GSE1: variants seen among roughly 807,000 people sequenced by gnomAD.
GSE1 encodes the protein Gse1 coiled-coil protein.
Under a neutral mutation model 112.6 loss-of-function variants are expected in GSE1, and 32 were observed. That is an observed-to-expected ratio of 0.28 (90% CI 0.21 to 0.38). GSE1 has a LOEUF of 0.38. GSE1 is among the 10% of genes least tolerant of loss of function. GSE1 has a pLI of 1.00. For missense variants in GSE1, 2,348 were observed against 1,699.2 expected (o/e 1.38, Z -6.71); for synonymous variants, 1,115 against 735.6 (o/e 1.52, Z -8.35).
chr16:85,542,230 G>T (rs572510647), intron 2 of GSE1, among the ~76,000 whole-genome samples: 1 of 152,334 alleles, frequency 6.6e-6, no homozygotes, highest in East Asian at 1.9e-4. Flanking sequence ...AGGCGAAGGC[G>T]GGGAGCAGGC....
intron 1 of GSE1, among the ~76,000 whole-genome samples, chr16:85,286,867 T>C (rs1303933482): frequency 6.6e-6 from 1 of 152,158 alleles, no homozygotes; most frequent in Non-Finnish European, 1.5e-5. Context: ...AAACGCAGTT[T>C]TTTTCGTTGT....
chr16:85,411,479 CT>C (rs1423105568), intron 2 of GSE1, among the ~76,000 whole-genome samples: 1 of 41,740 alleles, frequency 2.4e-5, no homozygotes, highest in African/African-American at 1.1e-4. Flanking sequence ...CAGGGCCCCC[CT>C]GGATAATCCT....
chr16:85,365,674 C>T (rs971632678), intron 2 of GSE1, among the ~76,000 whole-genome samples: 2 of 152,062 alleles, frequency 1.3e-5, no homozygotes, highest in Non-Finnish European at 2.9e-5. Flanking sequence ...TTGTAGAAGG[C>T]GAAGGTTTGT....
chr16:85,206,483 G>A (rs894518025), intron 1 of GSE1, among the ~76,000 whole-genome samples: 1 of 152,156 alleles, frequency 6.6e-6, no homozygotes, highest in African/African-American at 2.4e-5. Flanking sequence ...TTTCGGGGTG[G>A]CTGAACTGGG....
chr16:85,635,508 C>G (rs185742677), intron 2 of GSE1, among the ~76,000 whole-genome samples: 63 of 75,362 alleles, frequency 8.4e-4, no homozygotes, highest in East Asian at 8.0e-3. Flanking sequence ...ATCCTGGACT[C>G]TCTGGGGCGG....
intron 1 of GSE1, among the ~76,000 whole-genome samples, chr16:85,257,064 A>T (rs1029070329): frequency 1.3e-5 from 2 of 152,134 alleles, no homozygotes; most frequent in African/African-American, 4.8e-5. Context: ...TGAAGAGATG[A>T]GGGGTGGATT....
chr16:85,193,972 C>T (rs745599741), intron 1 of GSE1, among the ~76,000 whole-genome samples: 15 of 152,150 alleles, frequency 9.9e-5, no homozygotes, highest in East Asian at 9.6e-4. Flanking sequence ...TGTGTGTGCG[C>T]GCGCGTGTTT....
intron 1 of GSE1, among the ~76,000 whole-genome samples, chr16:85,172,675 C>T (rs1258520593): frequency 1.3e-5 from 2 of 152,222 alleles, no homozygotes; most frequent in African/African-American, 2.4e-5. Flanking sequence ...CAAAGACAGT[C>T]AGTGCGACTT....
chr16:85,248,206 A>G (rs1417155415), intron 1 of GSE1, among the ~76,000 whole-genome samples: 14 of 152,110 alleles, frequency 9.2e-5, no homozygotes, highest in Admixed American at 9.2e-4. Flanking sequence ...TGTACCCCTC[A>G]GAGAGTCTTC....
At chr16:85,654,677 C>T (rs1009226009) in intron 4 of GSE1, 117 bp from the exon 5 acceptor site, 1 of 764,004 alleles carries the variant, frequency 1.3e-6, no homozygotes. Flanking sequence ...TTCGGGGTGC[C>T]AGGAGTCTGG....
rs370252559 is a variant in GSE1, at chr16:85,656,423, G to A, written c.1070G>A (p.Arg357Gln). 32 of 1,571,250 alleles carry A rather than the reference G, an allele frequency of 2.0e-5. No homozygotes were observed. Among genetic ancestry groups the A allele is most frequent in the East Asian group, 6.9e-5 (3 of 43,750 alleles). Residue 357 changes from arginine (R) to glutamine (Q), a missense_variant, in exon 7 of 16, where the codon CGG becomes CAG. By Grantham distance (43) the Arg-to-Gln change is conservative. Transcript: ENST00000253458. Reference sequence around the variant, plus strand: ...CGTGAGCGTGAGGCTGACCGCGAGCGGGAGAAGGAACGTGAGCGCGAACGC... The same window carrying A: ...CGTGAGCGTGAGGCTGACCGCGAGCAGGAGAAGGAACGTGAGCGCGAACGC... The part of the protein sequence containing the change: ...REREREADRE[R>Q]EKEREREREK...
upstream of GSE1, among the ~76,000 whole-genome samples, chr16:85,551,993 C>T (rs1598150405): frequency 4.6e-5 from 7 of 152,310 alleles, no homozygotes; most frequent in South Asian, 1.4e-3. Context: ...CTCCAAGCCC[C>T]TGCTTCGCCT....
chr16:85,615,741 A>G (rs993376571), intron 1 of GSE1, among the ~76,000 whole-genome samples: 1 of 152,196 alleles, frequency 6.6e-6, no homozygotes, highest in Non-Finnish European at 1.5e-5. Context: ...TCAGAGTTCA[A>G]AGGGGCTTGT....
chr16:85,515,101 C>T (rs1180700710), intron 2 of GSE1, among the ~76,000 whole-genome samples: 2 of 152,204 alleles, frequency 1.3e-5, no homozygotes, highest in Non-Finnish European at 2.9e-5. Flanking sequence ...CAGGGGTGCT[C>T]CGCCTCCGGG....
intron 10 of GSE1, 98 bp downstream of exon 10, chr16:85,663,191 A>G: frequency 7.9e-7 from 1 of 1,262,044 alleles, no homozygotes; most frequent in Non-Finnish European, 1.1e-6. Flanking sequence ...GGTTCCTCCG[A>G]AGTCCTGGCG....
chr16:85,666,470 A>T (rs368871561), intron 13 of GSE1, 123 bp downstream of exon 13: 1 of 861,462 alleles, frequency 1.2e-6, no homozygotes, highest in Admixed American at 2.5e-5. Context: ...TCCAATCACC[A>T]GAAGAAAATA....
At chr16:85,541,456 T>C (rs1016050448) in intron 2 of GSE1, among the ~76,000 whole-genome samples, 6 of 152,334 alleles carry the variant, frequency 3.9e-5, no homozygotes, top group Admixed American at 2.0e-4. Context: ...CTGCCCCAGC[T>C]GAGCTCCTGG....
intron 1 of GSE1, among the ~76,000 whole-genome samples, chr16:85,190,408 A>G (rs74031721): frequency 0.075 from 11,346 of 152,254 alleles, 1,131 homozygotes; most frequent in African/African-American, 0.23. Context: ...TTCATTTCTT[A>G]TACAAAGTAT....
intron 1 of GSE1, among the ~76,000 whole-genome samples, chr16:85,613,843 C>T: frequency 1.2e-5 from 1 of 85,944 alleles, no homozygotes. Flanking sequence ...TGGCGACGGC[C>T]GAGGAAGCGG....
Sources: gnomAD v4.1 joint callset for allele counts (sites outside exome capture counted in the v4.1 genomes callset) on GRCh38, gnomAD v4.1.1 for gene constraint, MANE v1.5 for transcripts, NCBI Gene and HGNC (gene_info 2026-07-23, HGNC 2026-07-21) for gene names.